CADPS2: variants seen among roughly 807,000 people sequenced by gnomAD.
CADPS2 encodes calcium dependent secretion activator 2.
CADPS2 carries 93 observed loss-of-function variants against 172.5 expected under a neutral mutation model. That is an observed-to-expected ratio of 0.54 (90% CI 0.46 to 0.64). The LOEUF is 0.64. Ranked by LOEUF, CADPS2 falls within the 30% of genes least tolerant of loss-of-function variation. The probability of loss-of-function intolerance (pLI) is 0.00; values close to 1 mark genes in which losing one functional copy is unlikely to be tolerated. For missense variants in CADPS2, 1,420 were observed against 1,565.9 expected, an observed-to-expected ratio of 0.91 and a Z score of 1.57; for synonymous variants, 546 against 555.2, an observed-to-expected ratio of 0.98 and a Z score of 0.23.
At chr7:122,443,710 CAAAAA>C (rs56137420) in intron 15 of CADPS2, among the ~76,000 whole-genome samples, 7 of 57,856 alleles carry the variant, frequency 1.2e-4, no homozygotes, top group African/African-American at 4.6e-4. Context: ...CTGCTTTCTA[CAAAAA>C]AAAAAAAAAA....
At chr7:122,753,909 C>T (rs959596415) in intron 1 of CADPS2, among the ~76,000 whole-genome samples, 1 of 151,862 alleles carries the variant, frequency 6.6e-6, no homozygotes, top group Non-Finnish European at 1.5e-5. Flanking sequence ...CCCTTTTAAA[C>T]AACCATTCAA....
In CADPS2 at chr7:122,360,933, G is replaced by C; in HGVS notation, c.3468C>G (p.Phe1156Leu). The change falls in exon 26 of 30, where the codon TTC (phenylalanine) becomes TTG (leucine). Residue 1156 changes from phenylalanine (F) to leucine (L), a missense_variant. Coordinates refer to ENST00000449022, the MANE Select transcript of CADPS2 (RefSeq NM_017954.11). ...GAGAACTCATTCAAATACTTACAGT[G>C]AATGACAGAATGGATGAAAAGAAAG... ...EGTFFSSILS[F>L]TVKAAAKYVD... 6.2e-7 allele frequency: 1 copy of C among 1,613,344 alleles called. No individual in the cohort carries two copies. Among genetic ancestry groups the C allele is most frequent in the Non-Finnish European group, 8.5e-7 (1 of 1,179,546 alleles).
chr7:122,413,923 C>T (rs2047597286), intron 19 of CADPS2, 145 bp downstream of exon 19: 2 of 654,698 alleles, frequency 3.1e-6, no homozygotes, highest in East Asian at 2.9e-5. Context: ...AAAATTAGCA[C>T]ATTCAAAGAA....
At chr7:122,742,046 T>C (rs1256577905) in intron 1 of CADPS2, among the ~76,000 whole-genome samples, 1 of 152,150 alleles carries the variant, frequency 6.6e-6, no homozygotes. Context: ...ATGCAATGGA[T>C]CATAAGTTCT....
chr7:122,494,506 T>C (rs1447994710), intron 9 of CADPS2, among the ~76,000 whole-genome samples: 1 of 151,764 alleles, frequency 6.6e-6, no homozygotes, highest in Non-Finnish European at 1.5e-5. Flanking sequence ...TAAAGAGCAA[T>C]TTAAAAGCAA....
chr7:122,839,748 T>C (rs1426991668), intron 1 of CADPS2, among the ~76,000 whole-genome samples: 7 of 152,166 alleles, frequency 4.6e-5, no homozygotes, highest in Admixed American at 1.3e-4. Flanking sequence ...TCACACCAGT[T>C]AGAATGGCAA....
At chr7:122,746,659 A>ACC (rs1401774607) in intron 1 of CADPS2, among the ~76,000 whole-genome samples, 4 of 150,518 alleles carry the variant, frequency 2.7e-5, no homozygotes, top group Admixed American at 2.0e-4. Flanking sequence ...ACACACACAC[A>ACC]CCCTCATGTT....
At chr7:122,669,339 AT>A (rs1192020972) in intron 2 of CADPS2, among the ~76,000 whole-genome samples, 90 of 83,340 alleles carry the variant, frequency 1.1e-3, no homozygotes, top group Non-Finnish European at 1.7e-3. Flanking sequence ...TAAAGAAAAA[AT>A]ATATATATAT....
At chr7:122,449,842 G>A (rs1179235165) in intron 15 of CADPS2, among the ~76,000 whole-genome samples, 1 of 151,572 alleles carries the variant, frequency 6.6e-6, no homozygotes, top group Non-Finnish European at 1.5e-5. Flanking sequence ...CTCATGTACT[G>A]CACTTTTAAA....
intron 2 of CADPS2, among the ~76,000 whole-genome samples, chr7:122,705,566 A>G (rs1216204616): frequency 8.7e-5 from 9 of 103,674 alleles, no homozygotes; most frequent in Non-Finnish European, 1.5e-4. Flanking sequence ...TATATTATAT[A>G]TTATCTATAT....
chr7:122,698,996 G>A, intron 2 of CADPS2: 5 of 1,059,772 alleles, frequency 4.7e-6, no homozygotes, highest in African/African-American at 1.6e-5. Flanking sequence ...ATAACGAAGA[G>A]AAAAAAATCT....
chr7:122,594,910 G>C (rs994146405), intron 6 of CADPS2, among the ~76,000 whole-genome samples: 6 of 151,796 alleles, frequency 4.0e-5, no homozygotes, highest in Non-Finnish European at 2.9e-5. Context: ...ATAAGTAATT[G>C]ATGTATAACT....
intron 1 of CADPS2, among the ~76,000 whole-genome samples, chr7:122,777,314 C>T (rs1397818220): frequency 3.9e-5 from 6 of 152,176 alleles, no homozygotes; most frequent in Non-Finnish European, 8.8e-5. Context: ...CCACCAAATC[C>T]TTAGCAGACT....
chr7:122,639,616 A>C (rs1226395802), intron 3 of CADPS2, among the ~76,000 whole-genome samples: 1 of 152,160 alleles, frequency 6.6e-6, no homozygotes, highest in East Asian at 1.9e-4. Context: ...CTAACATCAC[A>C]ATGAACCCTC....
At chr7:122,475,590 G>A (rs1334641503) in intron 12 of CADPS2, among the ~76,000 whole-genome samples, 2 of 152,108 alleles carry the variant, frequency 1.3e-5, no homozygotes, top group Non-Finnish European at 2.9e-5. Flanking sequence ...ACTCAATATT[G>A]ATCTGTGGAC....
rs142906274 is a variant in CADPS2, at chr7:122,605,198, A to G, written c.1223+9983T>C. Among the ~76,000 whole-genome samples the G allele has an allele frequency of 2.6e-5, 4 of 152,236 alleles. No individual in the cohort carries two copies. The East Asian group carries it at 7.7e-4, about 29-fold the overall frequency. On this transcript the variant is annotated intron_variant, in intron 6 of 29. Transcript: ENST00000449022. ...AAATTGCAGGACGGGAAGTTGCTCT[A>G]GGTGAGTCAGTGAGTAAGTGGTGAG...
At chr7:122,788,387 C>T (rs1482108045) in intron 1 of CADPS2, among the ~76,000 whole-genome samples, 1 of 152,196 alleles carries the variant, frequency 6.6e-6, no homozygotes, top group Non-Finnish European at 1.5e-5. Flanking sequence ...GAGTTCTGGA[C>T]ATGGCATTTC....
intron 2 of CADPS2, among the ~76,000 whole-genome samples, chr7:122,674,699 A>C (rs1260198772): frequency 6.6e-6 from 1 of 152,212 alleles, no homozygotes; most frequent in Non-Finnish European, 1.5e-5. Context: ...TTGATTTAAA[A>C]GGATTTTATA....
chr7:122,733,130 A>C (rs893064850), intron 2 of CADPS2, among the ~76,000 whole-genome samples: 11 of 151,750 alleles, frequency 7.2e-5, no homozygotes, highest in Non-Finnish European at 1.5e-4. Context: ...ACTAGGTTAG[A>C]AAGAACATGA....
Sources: allele counts gnomAD v4.1 joint callset (sites outside exome capture counted in the v4.1 genomes callset), GRCh38; gene constraint gnomAD v4.1.1; transcripts MANE v1.5; gene names NCBI Gene and HGNC (gene_info 2026-07-23, HGNC 2026-07-21).